ARHGEF26: variants seen among roughly 807,000 people sequenced by gnomAD.
The protein encoded by ARHGEF26 is Rho guanine nucleotide exchange factor (GEF) 26.
A neutral mutation model predicts 89.4 loss-of-function variants in ARHGEF26; 59 were observed. The observed-to-expected ratio is 0.66, with a 90% CI of 0.54 to 0.82. ARHGEF26 has a LOEUF of 0.82. Ranked by LOEUF, ARHGEF26 falls within the 40% of genes least tolerant of loss-of-function variation. The pLI is 0.00. For synonymous variants in ARHGEF26, 500 were observed against 428.4 expected, an observed-to-expected ratio of 1.17 and a Z score of -2.06; for missense variants, 1,234 against 1,085.6, an observed-to-expected ratio of 1.14 and a Z score of -1.92.
chr3:154,227,012 T>A (rs957350558), intron 11 of ARHGEF26, among the ~76,000 whole-genome samples: 2 of 152,218 alleles, frequency 1.3e-5, no homozygotes, highest in African/African-American at 4.8e-5. Context: ...AGTTGCTGAC[T>A]TTATAGCTTG....
intron 11 of ARHGEF26, among the ~76,000 whole-genome samples, chr3:154,226,695 A>ACACACACACC (rs1553750133): frequency 3.2e-5 from 4 of 125,966 alleles, no homozygotes; most frequent in Admixed American, 7.8e-5. Flanking sequence ...ACACACACAC[A>ACACACACACC]CCCCTTCAGC....
intron 9 of ARHGEF26, among the ~76,000 whole-genome samples, chr3:154,207,952 A>G (rs774119431): frequency 1.3e-5 from 2 of 152,200 alleles, no homozygotes; most frequent in Non-Finnish European, 2.9e-5. Flanking sequence ...AGGGACATGG[A>G]TGGAACTGGA....
At chr3:154,243,353 A>G (rs1717591078) in intron 12 of ARHGEF26, among the ~76,000 whole-genome samples, 1 of 152,156 alleles carries the variant, frequency 6.6e-6, no homozygotes, top group South Asian at 2.1e-4. Context: ...TTCTTTATTC[A>G]GGCCTTGCCA....
chr3:154,178,296 G>C (rs961555701), intron 6 of ARHGEF26, among the ~76,000 whole-genome samples: 1 of 152,154 alleles, frequency 6.6e-6, no homozygotes, highest in African/African-American at 2.4e-5. Flanking sequence ...GTATAATTTA[G>C]TGATTTTTAG....
chr3:154,223,092 T>G (rs1290760748), intron 10 of ARHGEF26, among the ~76,000 whole-genome samples: 1 of 152,174 alleles, frequency 6.6e-6, no homozygotes, highest in African/African-American at 2.4e-5. Flanking sequence ...TTTTTTGTCT[T>G]GCGATGGAAA....
At chr3:154,199,885 G>A (rs1338054571) in intron 9 of ARHGEF26, among the ~76,000 whole-genome samples, 1 of 151,924 alleles carries the variant, frequency 6.6e-6, no homozygotes, top group Non-Finnish European at 1.5e-5. Context: ...TCAAATCTTT[G>A]CCCATTTTTG....
At chr3:154,133,026 T>A (rs1037297684) in intron 4 of ARHGEF26, among the ~76,000 whole-genome samples, 5 of 152,168 alleles carry the variant, frequency 3.3e-5, no homozygotes, top group Non-Finnish European at 7.3e-5. Context: ...CGGTGTTGTT[T>A]TATTTTCTAA....
At chr3:154,227,997 G>C (rs1040003004) in intron 11 of ARHGEF26, among the ~76,000 whole-genome samples, 2 of 152,164 alleles carry the variant, frequency 1.3e-5, no homozygotes, top group African/African-American at 2.4e-5. Flanking sequence ...TCAGAATTAA[G>C]GTATATGCTC....
chr3:154,173,452 A>C (rs1459271811), intron 6 of ARHGEF26, among the ~76,000 whole-genome samples: 1 of 148,720 alleles, frequency 6.7e-6, no homozygotes, highest in Non-Finnish European at 1.5e-5. Context: ...GTTCTCAATT[A>C]ATTACAGTTC....
chr3:154,200,734 A>G (rs975338380), intron 9 of ARHGEF26, among the ~76,000 whole-genome samples: 10 of 151,684 alleles, frequency 6.6e-5, no homozygotes, highest in Admixed American at 5.2e-4. Flanking sequence ...AACATGGAAT[A>G]TTTTTTAATT....
At chr3:154,253,280 T>C in intron 13 of ARHGEF26, 97 bp downstream of exon 13, 1 of 1,389,272 alleles carries the variant, frequency 7.2e-7, no homozygotes, top group Admixed American at 2.0e-5. Flanking sequence ...CCACAATACT[T>C]GCCTAAGTTT....
intron 9 of ARHGEF26, among the ~76,000 whole-genome samples, chr3:154,199,024 G>GT (rs1326059371): frequency 6.6e-6 from 1 of 151,962 alleles, no homozygotes; most frequent in East Asian, 1.9e-4. Flanking sequence ...GGAGAATGGG[G>GT]TATCCATCCC....
Position 154,256,859 on chromosome 3 carries a change from T to G in ARHGEF26, c.*1386T>G, listed in dbSNP as rs1718550447. 1 of 1,533,856 alleles carries G rather than the reference T, an allele frequency of 6.5e-7. No individual in the cohort carries two copies. Among genetic ancestry groups the G allele is most frequent in the African/African-American group, 1.4e-5 (1 of 72,916 alleles). ...GTGAGTTTCTATAGAACTTTACTTT[T>G]TCCACTAGTGCACAGAGAGAGAAAG... On this transcript the variant is annotated 3_prime_UTR_variant, in exon 15 of 15. Transcript: ENST00000465093.
chr3:154,129,873 G>A (rs1475195868), intron 4 of ARHGEF26, 154 bp downstream of exon 4: 13 of 915,140 alleles, frequency 1.4e-5, no homozygotes, highest in African/African-American at 3.4e-5. Flanking sequence ...AACTCTGCCC[G>A]CACTAATGAG....
At chr3:154,196,316 C>G (rs1184483339) in intron 9 of ARHGEF26, among the ~76,000 whole-genome samples, 2 of 152,094 alleles carry the variant, frequency 1.3e-5, no homozygotes, top group Non-Finnish European at 2.9e-5. Context: ...ATAGAAATAT[C>G]TAGCTGAGAG....
chr3:154,231,871 T>C (rs957082837), intron 11 of ARHGEF26, among the ~76,000 whole-genome samples: 5 of 150,986 alleles, frequency 3.3e-5, no homozygotes, highest in Non-Finnish European at 7.4e-5. Flanking sequence ...TAAATTGGTG[T>C]AAATCATGTG....
chr3:154,171,198 A>G (rs952913710), intron 6 of ARHGEF26, among the ~76,000 whole-genome samples: 3 of 152,188 alleles, frequency 2.0e-5, no homozygotes, highest in African/African-American at 7.2e-5. Context: ...TGTGGGAAAT[A>G]TAGTTTATAT....
chr3:154,216,105 A>G (rs1715710486), intron 9 of ARHGEF26, among the ~76,000 whole-genome samples: 1 of 151,934 alleles, frequency 6.6e-6, no homozygotes, highest in Admixed American at 6.6e-5. Context: ...GGCCTATTTT[A>G]TTTACTTCTA....
intron 11 of ARHGEF26, among the ~76,000 whole-genome samples, chr3:154,227,775 C>T (rs1716585728): frequency 6.6e-6 from 1 of 152,136 alleles, no homozygotes; most frequent in African/African-American, 2.4e-5. Flanking sequence ...AATATTTGTT[C>T]TGTCTCAGTA....
Sources: gnomAD v4.1 joint callset for allele counts (sites outside exome capture counted in the v4.1 genomes callset) on GRCh38, gnomAD v4.1.1 for gene constraint, MANE v1.5 for transcripts, NCBI Gene and HGNC (gene_info 2026-07-23, HGNC 2026-07-21) for gene names.